Variants in CCNT2 observed in about 807,000 individuals in gnomAD.
The protein encoded by CCNT2 is cyclin-T2.
Under a neutral mutation model 70.0 loss-of-function variants are expected in CCNT2, and 18 were observed. The observed-to-expected ratio is 0.26, with a 90% CI of 0.18 to 0.38. The LOEUF (loss-of-function observed/expected upper bound fraction) is 0.38. Among genes scored for constraint, CCNT2 ranks in the 10% least tolerant of loss-of-function variants. The pLI, the probability that CCNT2 is intolerant of heterozygous loss-of-function variation, is 1.00. For missense variants in CCNT2, 734 were observed against 890.2 expected, an observed-to-expected ratio of 0.82 and a Z score of 2.23; for synonymous variants, 334 against 313.3, an observed-to-expected ratio of 1.07 and a Z score of -0.70.
intron 2 of CCNT2, 72 bp downstream of exon 2, chr2:134,919,963 C>T (rs542653502): frequency 9.8e-7 from 1 of 1,021,284 alleles, no homozygotes; most frequent in Non-Finnish European, 1.5e-6. Context: ...AAAAGTTGGT[C>T]ATTGCGTTGT....
Position 134,954,823 on chromosome 2 carries a change from T to A in CCNT2, c.*175T>A. ...GAAGAGATTATAGTAAACAAGTCTT[T>A]ATCTCCACATATGATAGTGTTATAA... On this transcript the variant is annotated 3_prime_UTR_variant, in exon 9 of 9. Coordinates refer to ENST00000264157, the MANE Select transcript of CCNT2 (RefSeq NM_058241.3). 1.7e-6 allele frequency: 1 copy of A among 583,490 alleles called. No homozygotes were observed. Among genetic ancestry groups the A allele is most frequent in the Non-Finnish European group, 3.1e-6 (1 of 327,806 alleles). 36.1% of individuals were successfully genotyped at this position (583,490 alleles called of 1,614,324 possible).
chr2:134,926,404 C>G (rs1009749643), intron 2 of CCNT2, among the ~76,000 whole-genome samples: 2 of 152,178 alleles, frequency 1.3e-5, no homozygotes, highest in African/African-American at 2.4e-5. Flanking sequence ...TTTAGTTTCT[C>G]TTTTCCCTTC....
chr2:134,940,738 G>A (rs1346478577), intron 4 of CCNT2, among the ~76,000 whole-genome samples: 1 of 152,192 alleles, frequency 6.6e-6, no homozygotes, highest in East Asian at 1.9e-4. Context: ...TATTTTTACC[G>A]TATTTAGTGC....
intron 7 of CCNT2, among the ~76,000 whole-genome samples, chr2:134,948,238 G>A (rs1217654472): frequency 9.2e-5 from 14 of 152,158 alleles, no homozygotes; most frequent in South Asian, 4.1e-4. Context: ...ATGATCACTT[G>A]AGCACGGGAA....
chr2:134,940,984 A>ATG (rs1681541262), intron 4 of CCNT2, among the ~76,000 whole-genome samples: 1 of 152,252 alleles, frequency 6.6e-6, no homozygotes, highest in Non-Finnish European at 1.5e-5. Flanking sequence ...CGCTGCAGCT[A>ATG]TACCAGCAGG....
intron 7 of CCNT2, among the ~76,000 whole-genome samples, chr2:134,950,269 A>G (rs1682374150): frequency 6.6e-6 from 1 of 152,172 alleles, no homozygotes; most frequent in African/African-American, 2.4e-5. Context: ...AAGTTTGTTA[A>G]TTTGGAGAGC....
chr2:134,955,152 A>G lies in CCNT2; in HGVS notation c.*504A>G, dbSNP rs1682853734. On this transcript the variant is annotated 3_prime_UTR_variant, in exon 9 of 9. Coordinates refer to ENST00000264157, the MANE Select transcript of CCNT2 (RefSeq NM_058241.3). ...TACATACATTTTTGTATGTTTAGATATTACCGTAAATACTCAGGATTGGAG... is the reference window on the plus strand; with the variant it reads ...TACATACATTTTTGTATGTTTAGATGTTACCGTAAATACTCAGGATTGGAG... 6.4e-6 allele frequency: 1 copy of G among 156,154 alleles called. No homozygotes were observed. Among genetic ancestry groups the G allele is most frequent in the African/African-American group, 2.4e-5 (1 of 41,484 alleles). The allele number at this position is 156,154 out of a possible 1,614,324, so 9.7% of individuals were successfully genotyped here.
intron 6 of CCNT2, chr2:134,946,445 C>T (rs1681969660): frequency 3.5e-6 from 4 of 1,127,326 alleles, no homozygotes; most frequent in Non-Finnish European, 4.3e-6. Context: ...CTAAACTTAA[C>T]GTAGAAATTC....
intron 4 of CCNT2, among the ~76,000 whole-genome samples, chr2:134,942,331 T>A (rs941693168): frequency 3.9e-5 from 6 of 152,142 alleles, no homozygotes; most frequent in Non-Finnish European, 8.8e-5. Context: ...ACAGTTGTAT[T>A]TGCCAGGAAT....
chr2:134,936,785 A>C, intron 2 of CCNT2, 56 bp from the exon 3 acceptor site: 1 of 1,473,384 alleles, frequency 6.8e-7, no homozygotes, highest in Non-Finnish European at 9.2e-7. Flanking sequence ...AAGAAAATAG[A>C]GGGTTTTTTG....
chr2:134,945,080 T>C (rs1315259994), intron 5 of CCNT2: 1 of 985,254 alleles, frequency 1.0e-6, no homozygotes, highest in Non-Finnish European at 1.2e-6. Flanking sequence ...ACCAGGAAAG[T>C]CACACTGCCT....
At chr2:134,919,524 A>G (rs191492747) in intron 1 of CCNT2, among the ~76,000 whole-genome samples, 43 of 152,174 alleles carry the variant, frequency 2.8e-4, no homozygotes, top group Middle Eastern at 6.8e-3. Flanking sequence ...GCGCGTTTCA[A>G]CTGTTTCATT....
chr2:134,926,248 T>C (rs930547379), intron 2 of CCNT2, among the ~76,000 whole-genome samples: 7 of 152,198 alleles, frequency 4.6e-5, no homozygotes, highest in African/African-American at 1.2e-4. Context: ...TTGTGAGATA[T>C]TAGCTTTCCT....
At chr2:134,951,740 A>C (rs1335749570) in intron 7 of CCNT2, among the ~76,000 whole-genome samples, 1 of 152,218 alleles carries the variant, frequency 6.6e-6, no homozygotes, top group Non-Finnish European at 1.5e-5. Flanking sequence ...TATACCCTTT[A>C]GCTTCTCCTG....
intron 2 of CCNT2, among the ~76,000 whole-genome samples, chr2:134,931,262 C>CTTTT (rs112471982): frequency 0.012 from 513 of 42,400 alleles, 49 homozygotes; most frequent in African/African-American, 0.036. Flanking sequence ...ATGCCCGGAT[C>CTTTT]TTTTTTTTTT....
chr2:134,944,570 T>C (rs1393011393), intron 5 of CCNT2: 1 of 972,542 alleles, frequency 1.0e-6, no homozygotes, highest in African/African-American at 1.8e-5. Flanking sequence ...AAACTACAAA[T>C]TTGATATGTC....
intron 2 of CCNT2, among the ~76,000 whole-genome samples, chr2:134,926,884 G>A (rs1680336935): frequency 6.6e-6 from 1 of 152,180 alleles, no homozygotes; most frequent in Non-Finnish European, 1.5e-5. Flanking sequence ...CATCAACTCA[G>A]AATTCTTCAG....
At chr2:134,925,701 T>G (rs1296616957) in intron 2 of CCNT2, among the ~76,000 whole-genome samples, 1 of 152,184 alleles carries the variant, frequency 6.6e-6, no homozygotes, top group East Asian at 1.9e-4. Context: ...TGTTAGCCAC[T>G]TTTTGGCTAA....
chr2:134,950,345 T>C (rs1682383178), intron 7 of CCNT2, among the ~76,000 whole-genome samples: 1 of 152,166 alleles, frequency 6.6e-6, no homozygotes, highest in South Asian at 2.1e-4. Context: ...GCAGCTTTTT[T>C]TTCTGTGTCA....
Sources: gnomAD v4.1 joint callset for allele counts (sites outside exome capture counted in the v4.1 genomes callset) on GRCh38, gnomAD v4.1.1 for gene constraint, MANE v1.5 for transcripts, NCBI Gene and HGNC (gene_info 2026-07-23, HGNC 2026-07-21) for gene names.